Variants in GALNTL6 observed in about 807,000 individuals in gnomAD.
GALNTL6 encodes the protein polypeptide N-acetylgalactosaminyltransferase-like 6.
A neutral mutation model predicts 73.7 loss-of-function variants in GALNTL6; 46 were observed. That is an observed-to-expected ratio of 0.62 (90% CI 0.49 to 0.80). The LOEUF (loss-of-function observed/expected upper bound fraction) is 0.80, where lower values mean the gene tolerates loss of function less well. Ranked by LOEUF, GALNTL6 falls within the 30% of genes least tolerant of loss-of-function variation. The pLI is 0.00. For missense variants in GALNTL6, 604 were observed against 755.0 expected (o/e 0.80, Z 2.34); for synonymous variants, 259 against 263.7 (o/e 0.98, Z 0.17).
chr4:172,158,623 C>T (rs13105787), intron 2 of GALNTL6, among the ~76,000 whole-genome samples: 2,032 of 152,086 alleles, frequency 0.013, 43 homozygotes, highest in African/African-American at 0.045. Flanking sequence ...TGATCATGAA[C>T]AGAATTTTAT....
At chr4:173,005,370 A>G (rs535390985) in intron 10 of GALNTL6, among the ~76,000 whole-genome samples, 1 of 152,298 alleles carries the variant, frequency 6.6e-6, no homozygotes, top group East Asian at 1.9e-4. Flanking sequence ...CAAAGGAATA[A>G]GGCCTGAAAA....
At chr4:172,543,749 G>T (rs1373104144) in intron 5 of GALNTL6, among the ~76,000 whole-genome samples, 1 of 152,158 alleles carries the variant, frequency 6.6e-6, no homozygotes, top group Non-Finnish European at 1.5e-5. Flanking sequence ...TATCTGTACT[G>T]CCAATACTGG....
chr4:171,988,700 CT>C (rs778776822), intron 2 of GALNTL6, among the ~76,000 whole-genome samples: 7 of 152,126 alleles, frequency 4.6e-5, no homozygotes, highest in Admixed American at 2.6e-4. Context: ...AGTGTATAGG[CT>C]TTAAAAGGCC....
At chr4:172,383,841 CA>C (rs1212695809) in intron 5 of GALNTL6, among the ~76,000 whole-genome samples, 1 of 152,022 alleles carries the variant, frequency 6.6e-6, no homozygotes, top group Admixed American at 6.6e-5. Context: ...ATGGATTTGT[CA>C]AATACTTTTC....
intron 10 of GALNTL6, among the ~76,000 whole-genome samples, chr4:173,008,135 T>C (rs189711102): frequency 3.3e-5 from 5 of 152,290 alleles, no homozygotes; most frequent in Admixed American, 2.6e-4. Flanking sequence ...ACCAAGACCA[T>C]TGTAGCCAAA....
intron 7 of GALNTL6, among the ~76,000 whole-genome samples, chr4:172,831,688 C>T (rs558643270): frequency 3.4e-4 from 52 of 152,228 alleles, no homozygotes; most frequent in African/African-American, 1.2e-3. Flanking sequence ...TGTATCCCTG[C>T]AAAATTCATA....
At chr4:172,594,532 G>C (rs1268755735) in intron 5 of GALNTL6, among the ~76,000 whole-genome samples, 1 of 151,832 alleles carries the variant, frequency 6.6e-6, no homozygotes, top group Non-Finnish European at 1.5e-5. Context: ...CAAAACTACA[G>C]TTTTTTCAAT....
At chr4:172,726,111 G>GTCCCCAA (rs1393776585) in intron 5 of GALNTL6, among the ~76,000 whole-genome samples, 1 of 152,094 alleles carries the variant, frequency 6.6e-6, no homozygotes, top group Non-Finnish European at 1.5e-5. Context: ...TGCTCTGCCA[G>GTCCCCAA]TCCCGCTGAG....
chr4:172,573,731 C>G (rs1279183206), intron 5 of GALNTL6, among the ~76,000 whole-genome samples: 1 of 152,106 alleles, frequency 6.6e-6, no homozygotes, highest in Non-Finnish European at 1.5e-5. Flanking sequence ...CCACAGTTTT[C>G]AAGCATGACC....
At chr4:172,562,172 C>T (rs186483618) in intron 5 of GALNTL6, among the ~76,000 whole-genome samples, 22 of 152,276 alleles carry the variant, frequency 1.4e-4, no homozygotes, top group Admixed American at 8.5e-4. Flanking sequence ...GTTCTAACAA[C>T]AGCCTCTCCA....
At chr4:172,398,750 G>A (rs1743935059) in intron 5 of GALNTL6, among the ~76,000 whole-genome samples, 1 of 152,098 alleles carries the variant, frequency 6.6e-6, no homozygotes. Flanking sequence ...TTTTGTAGAA[G>A]TATATTCAGT....
chr4:172,796,192 T>C (rs1281411312), intron 5 of GALNTL6, among the ~76,000 whole-genome samples: 1 of 152,066 alleles, frequency 6.6e-6, no homozygotes, highest in Non-Finnish European at 1.5e-5. Flanking sequence ...TAAGTCTCTT[T>C]CTACTTAGAA....
intron 5 of GALNTL6, among the ~76,000 whole-genome samples, chr4:172,692,005 A>G (rs927501637): frequency 2.7e-5 from 4 of 150,800 alleles, no homozygotes; most frequent in African/African-American, 9.7e-5. Flanking sequence ...AGTTGTATTC[A>G]GACATGCCTA....
At chr4:172,891,720 T>C (rs956206670) in intron 8 of GALNTL6, among the ~76,000 whole-genome samples, 3 of 152,236 alleles carry the variant, frequency 2.0e-5, no homozygotes, top group Non-Finnish European at 2.9e-5. Context: ...GATTATATTC[T>C]CAAATATGTC....
intron 2 of GALNTL6, among the ~76,000 whole-genome samples, chr4:172,183,688 T>C (rs1735329114): frequency 6.6e-6 from 1 of 152,172 alleles, no homozygotes; most frequent in Admixed American, 6.5e-5. Flanking sequence ...CCTATTCCTC[T>C]TACAAGGAAT....
intron 2 of GALNTL6, among the ~76,000 whole-genome samples, chr4:172,035,714 T>C (rs111715684): frequency 6.2e-4 from 94 of 152,252 alleles, no homozygotes; most frequent in African/African-American, 2.1e-3. Flanking sequence ...GGAGCACTCC[T>C]TTCATATTTC....
At chr4:172,403,661 A>G (rs1474804355) in intron 5 of GALNTL6, among the ~76,000 whole-genome samples, 2 of 152,048 alleles carry the variant, frequency 1.3e-5, no homozygotes, top group African/African-American at 4.8e-5. Context: ...AGGAGCATAT[A>G]TTTGCATAGA....
At chr4:172,040,135 C>A (rs753442849) in intron 2 of GALNTL6, among the ~76,000 whole-genome samples, 1 of 147,640 alleles carries the variant, frequency 6.8e-6, no homozygotes, top group Non-Finnish European at 1.5e-5. Context: ...ATAACAATGG[C>A]GCAATGGAAA....
At chr4:172,694,197 T>C (rs1276276165) in intron 5 of GALNTL6, among the ~76,000 whole-genome samples, 1 of 152,000 alleles carries the variant, frequency 6.6e-6, no homozygotes, top group Non-Finnish European at 1.5e-5. Context: ...TACATGGGTA[T>C]ACATGTGCCG....
Sources: allele counts gnomAD v4.1 joint callset (sites outside exome capture counted in the v4.1 genomes callset), GRCh38; gene constraint gnomAD v4.1.1; transcripts MANE v1.5; gene names NCBI Gene and HGNC (gene_info 2026-07-23, HGNC 2026-07-21).